PARD3B: variants seen among roughly 807,000 people sequenced by gnomAD.
PARD3B encodes the protein partitioning defective 3 homolog B.
Under a neutral mutation model 130.2 loss-of-function variants are expected in PARD3B, and 103 were observed. That is an observed-to-expected ratio of 0.79 (90% confidence interval 0.67 to 0.93). The LOEUF (loss-of-function observed/expected upper bound fraction) is 0.93, where lower values mean the gene tolerates loss of function less well. PARD3B is among the 40% of genes least tolerant of loss of function. The probability of loss-of-function intolerance (pLI) is 0.00; values close to 1 mark genes in which losing one functional copy is unlikely to be tolerated. For synonymous variants in PARD3B, 583 were observed against 553.2 expected, an observed-to-expected ratio of 1.05 and a Z score of -0.76; for missense variants, 1,609 against 1,499.2, an observed-to-expected ratio of 1.07 and a Z score of -1.21.
At position 205,351,870 on chromosome 2, in the gene PARD3B, G is replaced by A. The variant is rs2044006496; in HGVS notation, c.2631-49143G>A. ...AAAGAGGTACGTGACAGCTTCTGAG[G>A]GATCTGTTTGTATACATAACATCCC... On this transcript the variant is annotated intron_variant, in intron 18 of 22. Coordinates refer to ENST00000406610, the MANE Select transcript of PARD3B (RefSeq NM_001302769.2). The surrounding 1 kb of genome is among the most constrained non-coding windows in gnomAD (Gnocchi z 4.2). 6.6e-6 allele frequency among the ~76,000 whole-genome samples: 1 copy of A among 151,982 alleles called. No homozygotes were observed. The highest frequency in any genetic ancestry group is 6.6e-5 in the Admixed American group (1 of 15,250).
At chr2:205,161,870 A>G (rs957723322) in intron 11 of PARD3B, among the ~76,000 whole-genome samples, 1 of 152,214 alleles carries the variant, frequency 6.6e-6, no homozygotes, top group Admixed American at 6.5e-5. Flanking sequence ...TTTGAAAACT[A>G]AACTACTTTG....
At position 205,268,340 on chromosome 2, in the gene PARD3B, G is replaced by A. The variant is rs1207761700; in HGVS notation, c.2185+22518G>A. On this transcript the variant is annotated intron_variant, in intron 16 of 22. Transcript: ENST00000406610. The surrounding 1 kb of genome is among the most constrained non-coding windows in gnomAD (Gnocchi z 4.1). ...TTTTGAGAACGGTTCCAATATATTG[G>A]GAGAAAAATAAGCATCAACTTGGAA... Among the ~76,000 whole-genome samples the A allele has an allele frequency of 2.0e-5, 3 of 152,140 alleles. No individual in the cohort carries two copies. Among genetic ancestry groups the A allele is most frequent in the African/African-American group, 7.2e-5 (3 of 41,430 alleles).
chr2:205,111,001 A>G (rs1242270014), intron 5 of PARD3B, among the ~76,000 whole-genome samples: 1 of 152,146 alleles, frequency 6.6e-6, no homozygotes, highest in East Asian at 1.9e-4. Flanking sequence ...TATTTCTAGT[A>G]CTGAGGGTTG....
At chr2:204,879,739 G>C (rs571084578) in intron 2 of PARD3B, among the ~76,000 whole-genome samples, 2 of 152,314 alleles carry the variant, frequency 1.3e-5, no homozygotes, top group South Asian at 4.1e-4. Context: ...AAAGATTGGG[G>C]AATTGAATGT....
chr2:205,182,014 C>T (rs988200289), intron 13 of PARD3B, among the ~76,000 whole-genome samples: 1 of 152,128 alleles, frequency 6.6e-6, no homozygotes, highest in South Asian at 2.1e-4. Context: ...AACAAGGGGC[C>T]GGGTGTGGTG....
chr2:204,738,468 A>G (rs2039853736), intron 2 of PARD3B, among the ~76,000 whole-genome samples: 1 of 152,140 alleles, frequency 6.6e-6, no homozygotes, highest in African/African-American at 2.4e-5. Context: ...AGGCTAGAGT[A>G]TTAGCTTTAT....
Position 204,949,782 on chromosome 2 carries a change from A to G in PARD3B, c.223-15370A>G, listed in dbSNP as rs569946200. On this transcript the variant is annotated intron_variant, in intron 2 of 22. Coordinates refer to ENST00000406610, the MANE Select transcript of PARD3B (RefSeq NM_001302769.2). ...TGAGATGTTAGTTTATTTAAATTTTATAAATTAAGTCTATCTTATTAGTCA... is the reference window on the plus strand; with the variant it reads ...TGAGATGTTAGTTTATTTAAATTTTGTAAATTAAGTCTATCTTATTAGTCA... Among the ~76,000 whole-genome samples, 186 of 152,332 alleles carry G rather than the reference A, an allele frequency of 1.2e-3. 2 individuals carry two copies. The highest frequency in any genetic ancestry group is 1.6e-3 in the Non-Finnish European group (112 of 68,016).
chr2:205,109,650 C>CTTTTTTTTTTTTTTTTTTTTTT (rs35545106), intron 5 of PARD3B, among the ~76,000 whole-genome samples: 1 of 69,316 alleles, frequency 1.4e-5, no homozygotes, highest in Non-Finnish European at 2.8e-5. Flanking sequence ...AATACCTAAT[C>CTTTTTTTTTTTTTTTTTTTTTT]TTTTTTTTTT....
chr2:205,272,293 A>G (rs944561107), intron 16 of PARD3B, among the ~76,000 whole-genome samples: 6 of 151,916 alleles, frequency 3.9e-5, no homozygotes, highest in African/African-American at 1.5e-4. Context: ...CCACTTTGTT[A>G]TTTATTTTCT....
At chr2:204,998,358 A>ATATGTG (rs1400529301) in intron 3 of PARD3B, among the ~76,000 whole-genome samples, 18 of 69,814 alleles carry the variant, frequency 2.6e-4, no homozygotes, top group South Asian at 1.8e-3. Context: ...ATATATATAT[A>ATATGTG]TGTGTGTGTG....
intron 5 of PARD3B, among the ~76,000 whole-genome samples, chr2:205,109,679 A>G (rs1461167731): frequency 3.2e-5 from 4 of 123,724 alleles, no homozygotes; most frequent in Non-Finnish European, 6.5e-5. Flanking sequence ...TTTGAGATGA[A>G]GTTTTGCTCT....
In PARD3B at chr2:205,307,062, G is replaced by A. The variant is rs1029885734; in HGVS notation, c.2630+5361G>A. ...CCATGTAGAATGGCACCTGGCCAAG[G>A]GGGTGAATGAAGATTTAAATCCTGC... is the stretch of plus-strand genomic sequence containing the variant. On this transcript the variant is annotated intron_variant, in intron 18 of 22. Coordinates refer to ENST00000406610, the MANE Select transcript of PARD3B (RefSeq NM_001302769.2). Among the ~76,000 whole-genome samples the A allele has an allele frequency of 3.9e-5, 6 of 152,294 alleles. No individual in the cohort carries two copies. The East Asian group carries it at 1.2e-3, about 29-fold the overall frequency.
chr2:205,253,367 G>A lies in PARD3B; in HGVS notation c.2185+7545G>A, dbSNP rs944714783. ...AACTGATGGAGGAAATGCTGGGACT[G>A]TGGGTCAGTGCTGACACACCCATGG... is the stretch of plus-strand genomic sequence containing the variant. On this transcript the variant is annotated intron_variant, in intron 16 of 22. Coordinates refer to ENST00000406610, the MANE Select transcript of PARD3B (RefSeq NM_001302769.2). This position sits in a 1 kb window ranked among gnomAD's most constrained non-coding sequence, Gnocchi z 4.4. 1.6e-5 allele frequency: 9 copies of A among 563,360 alleles called. No homozygotes were observed. Among genetic ancestry groups the A allele is most frequent in the Non-Finnish European group, 3.2e-5 (9 of 279,618 alleles). 34.9% of individuals were successfully genotyped at this position (563,360 alleles called of 1,614,324 possible).
chr2:205,224,785 T>G (rs919250430), intron 15 of PARD3B, among the ~76,000 whole-genome samples: 3 of 151,982 alleles, frequency 2.0e-5, no homozygotes, highest in Non-Finnish European at 4.4e-5. Flanking sequence ...AGTACCTGAT[T>G]TTTTTTTCTT....
chr2:205,586,969 G>A (rs1302189187), intron 22 of PARD3B, among the ~76,000 whole-genome samples: 5 of 152,086 alleles, frequency 3.3e-5, no homozygotes, highest in South Asian at 4.1e-4. Flanking sequence ...CAACCTGCAC[G>A]GTGAATTTCT....
At chr2:204,609,440 GT>G (rs541954122) in intron 1 of PARD3B, among the ~76,000 whole-genome samples, 11 of 152,238 alleles carry the variant, frequency 7.2e-5, no homozygotes, top group African/African-American at 2.6e-4. Flanking sequence ...TTATAGTTTG[GT>G]TTTATACATT....
chr2:205,430,153 C>T (rs903566632), intron 19 of PARD3B, among the ~76,000 whole-genome samples: 1 of 152,140 alleles, frequency 6.6e-6, no homozygotes, highest in Non-Finnish European at 1.5e-5. Context: ...CAATTTCCCT[C>T]GATATATAAG....
chr2:204,935,114 A>G (rs1356822536), intron 2 of PARD3B, among the ~76,000 whole-genome samples: 4 of 147,068 alleles, frequency 2.7e-5, no homozygotes, highest in African/African-American at 7.5e-5. Flanking sequence ...CTTTTTGTCC[A>G]TATTTACTAT....
At chr2:205,588,434 T>C (rs1456828053) in intron 22 of PARD3B, among the ~76,000 whole-genome samples, 3 of 152,226 alleles carry the variant, frequency 2.0e-5, no homozygotes, top group African/African-American at 7.2e-5. Flanking sequence ...TTTTAATACA[T>C]TCAGCAATTT....
Sources: allele counts gnomAD v4.1 joint callset (sites outside exome capture counted in the v4.1 genomes callset), GRCh38; gene constraint gnomAD v4.1.1; non-coding constraint Gnocchi (gnomAD v3.1); transcripts MANE v1.5; gene names NCBI Gene and HGNC (gene_info 2026-07-23, HGNC 2026-07-21).